The following ZNF536 variants were observed in gnomAD, a reference collection of about 807,000 sequenced individuals.
The protein encoded by ZNF536 is zinc finger protein 536.
Under a neutral mutation model 84.5 loss-of-function variants are expected in ZNF536, and 13 were observed. The ratio of observed to expected loss-of-function variants is 0.15; its 90% CI spans 0.10 to 0.24. The LOEUF (loss-of-function observed/expected upper bound fraction) is 0.24. ZNF536 is among the 10% of genes least tolerant of loss of function. ZNF536 has a pLI of 1.00. For synonymous variants in ZNF536, 811 were observed against 742.5 expected (o/e 1.09, Z -1.50); for missense variants, 1,536 against 1,747.5 (o/e 0.88, Z 2.16).
chr19:30,540,696 C>T (rs2045296144), intron 3 of ZNF536, among the ~76,000 whole-genome samples: 1 of 152,230 alleles, frequency 6.6e-6, no homozygotes, highest in African/African-American at 2.4e-5. Flanking sequence ...CTCTTCACCG[C>T]TGCATTGTAT....
intron 2 of ZNF536, among the ~76,000 whole-genome samples, chr19:30,463,840 G>A (rs964024746): frequency 5.3e-5 from 8 of 152,276 alleles, no homozygotes; most frequent in African/African-American, 1.9e-4. Context: ...GTGCAGGCAT[G>A]GTGGTGTGGC....
At chr19:30,235,355 A>G (rs2144731378) in intron 1 of ZNF536, among the ~76,000 whole-genome samples, 1 of 152,360 alleles carries the variant, frequency 6.6e-6, no homozygotes, top group Middle Eastern at 3.4e-3. Flanking sequence ...CTTAGCACTG[A>G]GAACAAAATC....
At chr19:30,353,466 C>T (rs968382600) in intron 3 of ZNF536, among the ~76,000 whole-genome samples, 2 of 151,872 alleles carry the variant, frequency 1.3e-5, no homozygotes, top group Non-Finnish European at 2.9e-5. Flanking sequence ...GGGTGTATTT[C>T]GTGTTAAGAA....
At chr19:30,383,701 C>CTCTTTCTTTCTTTCTTTCTTTCTT (rs762457465) in intron 1 of ZNF536, among the ~76,000 whole-genome samples, 2 of 11,562 alleles carry the variant, frequency 1.7e-4, no homozygotes, top group South Asian at 1.6e-3. Context: ...TCTTTTCTTT[C>CTCTTTCTTTCTTTCTTTCTTTCTT]TCTTTCTTTC....
chr19:30,476,193 C>G (rs1266397392), intron 2 of ZNF536, among the ~76,000 whole-genome samples: 1 of 152,140 alleles, frequency 6.6e-6, no homozygotes, highest in Non-Finnish European at 1.5e-5. Flanking sequence ...ACCTTCTTCC[C>G]TCTGTGGCCC....
intron 2 of ZNF536, among the ~76,000 whole-genome samples, chr19:30,502,057 A>G (rs1653141319): frequency 6.6e-6 from 1 of 152,198 alleles, no homozygotes; most frequent in African/African-American, 2.4e-5. Flanking sequence ...TCAGTAAGTA[A>G]TGTAGACTAT....
At chr19:30,501,288 T>C (rs1215388400) in intron 2 of ZNF536, among the ~76,000 whole-genome samples, 2 of 152,192 alleles carry the variant, frequency 1.3e-5, no homozygotes, top group Admixed American at 1.3e-4. Flanking sequence ...TCCTGGTTCA[T>C]GGAAAAGGAA....
chr19:30,448,777 C>T (rs1038819309), intron 2 of ZNF536, among the ~76,000 whole-genome samples: 20 of 152,152 alleles, frequency 1.3e-4, no homozygotes, highest in Admixed American at 1.0e-3. Flanking sequence ...GTGGCAGAGA[C>T]GTCCTTTGTT....
At chr19:30,456,022 T>A (rs144903338) in intron 2 of ZNF536, among the ~76,000 whole-genome samples, 1 of 152,256 alleles carries the variant, frequency 6.6e-6, no homozygotes, top group East Asian at 1.9e-4. Flanking sequence ...GGCCATGTGG[T>A]TTCTGTAGTA....
intron 2 of ZNF536, among the ~76,000 whole-genome samples, chr19:30,288,152 G>A (rs774579621): frequency 5.3e-5 from 8 of 152,220 alleles, no homozygotes; most frequent in African/African-American, 9.6e-5. Flanking sequence ...GACTGAAGGC[G>A]TGGAGGTCAC....
In ZNF536 at chr19:30,601,313, T is replaced by C. The variant is rs536500293; in HGVS notation, c.169+51799T>C. On this transcript the variant is annotated intron_variant, in intron 1 of 1. Coordinates refer to the ZNF536 transcript ENST00000592773. ...GGTGCTGGGACTCCAGCAGTGAACA[T>C]ACAAAACCACGGCTCTCTGGGAGCC... 6.8e-4 allele frequency among the ~76,000 whole-genome samples: 103 copies of C among 152,262 alleles called. 1 individual carries two copies. The highest frequency in any genetic ancestry group is 2.4e-3 in the African/African-American group (100 of 41,552).
At chr19:30,442,768 G>T (rs977652541) in intron 1 of ZNF536, among the ~76,000 whole-genome samples, 1 of 152,178 alleles carries the variant, frequency 6.6e-6, no homozygotes, top group Non-Finnish European at 1.5e-5. Context: ...TTGCAAAGCC[G>T]CTACTCGCAG....
At chr19:30,699,980 C>T (rs559468166) in intron 1 of ZNF536, among the ~76,000 whole-genome samples, 1 of 152,200 alleles carries the variant, frequency 6.6e-6, no homozygotes, top group South Asian at 2.1e-4. Context: ...TTTCTCTCTT[C>T]TTTCTCTTTC....
At chr19:30,485,147 A>AGCATAAATAAAT (rs2054252716) in intron 2 of ZNF536, among the ~76,000 whole-genome samples, 1 of 118,402 alleles carries the variant, frequency 8.4e-6, no homozygotes, top group African/African-American at 4.3e-5. Context: ...CTGTCTCAAA[A>AGCATAAATAAAT]ACATAAATAA....
chr19:30,668,092 A>T (rs1162317746), intron 1 of ZNF536, among the ~76,000 whole-genome samples: 3 of 152,144 alleles, frequency 2.0e-5, no homozygotes, highest in Non-Finnish European at 2.9e-5. Context: ...AACTGCTCCA[A>T]GTTATCTGGA....
chr19:30,535,059 C>T (rs1432765383), intron 3 of ZNF536, 60 bp downstream of exon 3: 1 of 1,537,392 alleles, frequency 6.5e-7, no homozygotes, highest in African/African-American at 1.4e-5. Context: ...CCCCGTCCTG[C>T]CTGCTTTCTG....
At chr19:30,292,334 T>G (rs908231122) in intron 2 of ZNF536, among the ~76,000 whole-genome samples, 1 of 149,696 alleles carries the variant, frequency 6.7e-6, no homozygotes, top group Non-Finnish European at 1.5e-5. Context: ...TTTTTTTTTC[T>G]CTTTTTCTTC....
rs546783661 is a variant in ZNF536 at position 30,476,680 on chromosome 19, C to A, written c.2170+30948C>A. On this transcript the variant is annotated intron_variant, in intron 2 of 4. Transcript: ENST00000355537. ...CCGCTTAGGCTTGGAGGCAGGGAAG[C>A]TGCTGGGAAATAGACTGCTGGGCTT... Among the ~76,000 whole-genome samples the A allele has an allele frequency of 1.5e-3, 227 of 152,308 alleles. 1 individual carries two copies. Among genetic ancestry groups the A allele is most frequent in the African/African-American group, 5.2e-3 (215 of 41,550 alleles).
exon 2 of ZNF536, chr19:30,711,997 T>A (rs1249492245): frequency 1.3e-5 from 2 of 152,196 alleles, no homozygotes; most frequent in Non-Finnish European, 2.9e-5. Context: ...TTTATAAGTG[T>A]CACAGACATG....
Sources: allele counts gnomAD v4.1 joint callset (sites outside exome capture counted in the v4.1 genomes callset), GRCh38; gene constraint gnomAD v4.1.1; transcripts MANE v1.5; gene names NCBI Gene and HGNC (gene_info 2026-07-23, HGNC 2026-07-21).